Variants in LRRC4C observed in about 807,000 individuals in gnomAD.
LRRC4C encodes leucine-rich repeat-containing protein 4C.
Under a neutral mutation model 33.6 loss-of-function variants are expected in LRRC4C, and 5 were observed. The observed-to-expected ratio is 0.15, with a 90% CI of 0.08 to 0.31. The LOEUF is 0.31. LRRC4C is among the 10% of genes least tolerant of loss of function. The probability of loss-of-function intolerance (pLI) is 1.00; values close to 1 mark genes in which losing one functional copy is unlikely to be tolerated. For missense variants in LRRC4C, 560 were observed against 796.7 expected, an observed-to-expected ratio of 0.70 and a Z score of 3.58; for synonymous variants, 329 against 302.0, an observed-to-expected ratio of 1.09 and a Z score of -0.93.
At chr11:40,967,795 A>C (rs1851462367) in intron 1 of LRRC4C, among the ~76,000 whole-genome samples, 1 of 151,724 alleles carries the variant, frequency 6.6e-6, no homozygotes, top group African/African-American at 2.4e-5. Context: ...AGATTTCAAT[A>C]ATTATTCAAT....
chr11:40,907,742 G>T (rs1956485845), intron 2 of LRRC4C, among the ~76,000 whole-genome samples: 1 of 152,048 alleles, frequency 6.6e-6, no homozygotes, highest in Admixed American at 6.6e-5. Context: ...TCACTGATTG[G>T]CAACAGAGCT....
At chr11:41,020,893 G>C (rs1025675840) in intron 1 of LRRC4C, among the ~76,000 whole-genome samples, 1 of 152,000 alleles carries the variant, frequency 6.6e-6, no homozygotes. Flanking sequence ...GGAATATTCT[G>C]TCTTCTATTC....
intron 3 of LRRC4C, among the ~76,000 whole-genome samples, chr11:40,374,042 T>C (rs1457215216): frequency 6.6e-6 from 1 of 152,110 alleles, no homozygotes; most frequent in Non-Finnish European, 1.5e-5. Flanking sequence ...AAAGTATATA[T>C]CATTATCCCT....
At chr11:41,410,416 CTT>C (rs1331907171) in intron 1 of LRRC4C, among the ~76,000 whole-genome samples, 1 of 131,742 alleles carries the variant, frequency 7.6e-6, no homozygotes, top group Non-Finnish European at 1.6e-5. Context: ...TTTTTTTTTT[CTT>C]TTTTTTTTTT....
intron 2 of LRRC4C, among the ~76,000 whole-genome samples, chr11:40,885,129 A>T (rs193208687): frequency 1.8e-3 from 277 of 152,226 alleles, no homozygotes; most frequent in African/African-American, 5.7e-3. Flanking sequence ...CCCTATACAA[A>T]CTGTTTGTAT....
At chr11:41,052,134 G>A (rs4147443) in intron 1 of LRRC4C, among the ~76,000 whole-genome samples, 54,027 of 151,820 alleles carry the variant, frequency 0.36, 10,731 homozygotes, top group South Asian at 0.45. Flanking sequence ...TTTTTCCCTT[G>A]CATCCACTGC....
intron 3 of LRRC4C, among the ~76,000 whole-genome samples, chr11:40,646,438 C>T (rs1490788809): frequency 2.0e-5 from 3 of 152,188 alleles, no homozygotes. Context: ...CACATGTTGC[C>T]AGAAAAATTC....
At chr11:40,901,357 A>AT (rs1565183879) in intron 2 of LRRC4C, among the ~76,000 whole-genome samples, 1 of 152,070 alleles carries the variant, frequency 6.6e-6, no homozygotes, top group Non-Finnish European at 1.5e-5. Flanking sequence ...TACCAGGGCC[A>AT]TGTAGCCTGC....
intron 1 of LRRC4C, among the ~76,000 whole-genome samples, chr11:41,142,014 A>G (rs1160906398): frequency 1.3e-5 from 2 of 152,186 alleles, no homozygotes; most frequent in East Asian, 1.9e-4. Flanking sequence ...AAAGTATTCA[A>G]TCACAAATTG....
At chr11:40,604,618 AAAT>A (rs1229497529) in intron 3 of LRRC4C, among the ~76,000 whole-genome samples, 1 of 152,134 alleles carries the variant, frequency 6.6e-6, no homozygotes, top group African/African-American at 2.4e-5. Context: ...AGGACGTACA[AAAT>A]AATAATAACC....
chr11:41,347,503 A>G (rs1951841655), intron 1 of LRRC4C, among the ~76,000 whole-genome samples: 1 of 152,196 alleles, frequency 6.6e-6, no homozygotes, highest in Non-Finnish European at 1.5e-5. Context: ...TAAATTTTCA[A>G]ATTTCAAGGG....
chr11:40,407,033 T>C (rs997204339), intron 3 of LRRC4C, among the ~76,000 whole-genome samples: 3 of 152,144 alleles, frequency 2.0e-5, no homozygotes, highest in Non-Finnish European at 4.4e-5. Flanking sequence ...TTTTTTGTCC[T>C]GTCTTTTACC....
chr11:41,254,202 G>A (rs1282339113), intron 1 of LRRC4C, among the ~76,000 whole-genome samples: 1 of 151,970 alleles, frequency 6.6e-6, no homozygotes, highest in Non-Finnish European at 1.5e-5. Context: ...AAAGGCATGG[G>A]AGGCATTTTA....
chr11:40,242,633 G>A (rs1012545267), intron 4 of LRRC4C, among the ~76,000 whole-genome samples: 5 of 151,986 alleles, frequency 3.3e-5, no homozygotes, highest in Admixed American at 2.6e-4. Flanking sequence ...TAATGGATTC[G>A]GTTCATTTTT....
At chr11:41,270,556 C>T (rs1949287577) in intron 1 of LRRC4C, among the ~76,000 whole-genome samples, 1 of 151,992 alleles carries the variant, frequency 6.6e-6, no homozygotes, top group South Asian at 2.1e-4. Flanking sequence ...GCCTCTTCAC[C>T]CCCACAGAAG....
chr11:40,480,885 C>CTT (rs1331918760), intron 3 of LRRC4C, among the ~76,000 whole-genome samples: 2 of 151,878 alleles, frequency 1.3e-5, no homozygotes, highest in East Asian at 3.9e-4. Flanking sequence ...AAAAGGCAAA[C>CTT]TCATAGAAGC....
chr11:41,232,881 G>GA (rs1947861657), intron 1 of LRRC4C, among the ~76,000 whole-genome samples: 1 of 151,724 alleles, frequency 6.6e-6, no homozygotes, highest in African/African-American at 2.4e-5. Context: ...TTTTGCCAAG[G>GA]CTAATGTTTA....
rs138306316 is a variant in LRRC4C at position 40,356,453 on chromosome 11, C to T, written c.-269-36732G>A. 6.4e-3 allele frequency among the ~76,000 whole-genome samples: 979 copies of T among 152,270 alleles called. 7 individuals are homozygous for T. The highest frequency in any genetic ancestry group is 0.022 in the African/African-American group (905 of 41,556). On this transcript the variant is annotated intron_variant, in intron 3 of 6. Coordinates refer to ENST00000528697, the MANE Select transcript of LRRC4C (RefSeq NM_001258419.2). ...CAATTATTCTATGATGTTGTTATTG[C>T]TATTCCTATTTCAAGGTAGGTTAGA...
intron 5 of LRRC4C, among the ~76,000 whole-genome samples, chr11:40,194,556 T>G (rs756628742): frequency 5.6e-5 from 8 of 143,502 alleles, no homozygotes; most frequent in Non-Finnish European, 9.1e-5. Flanking sequence ...CACTCATAAG[T>G]GGGAGCTGAG....
Sources: allele counts gnomAD v4.1 joint callset (sites outside exome capture counted in the v4.1 genomes callset), GRCh38; gene constraint gnomAD v4.1.1; transcripts MANE v1.5; gene names NCBI Gene and HGNC (gene_info 2026-07-23, HGNC 2026-07-21).